Variants in ATP6V1C1 observed in about 807,000 individuals in gnomAD.
ATP6V1C1 encodes the protein V-type proton ATPase subunit C 1.
Under a neutral mutation model 53.9 loss-of-function variants are expected in ATP6V1C1, and 45 were observed. That is an observed-to-expected ratio of 0.83 (90% CI 0.66 to 1.07). The LOEUF is 1.07. Ranked by LOEUF, ATP6V1C1 falls within the 50% of genes least tolerant of loss-of-function variation. The probability of loss-of-function intolerance (pLI) is 0.00; values close to 1 mark genes in which losing one functional copy is unlikely to be tolerated. For synonymous variants in ATP6V1C1, 153 were observed against 155.2 expected, an observed-to-expected ratio of 0.99 and a Z score of 0.11; for missense variants, 315 against 440.3, an observed-to-expected ratio of 0.72 and a Z score of 2.55.
At chr8:103,060,044 C>T (rs1041914963) in intron 8 of ATP6V1C1, among the ~76,000 whole-genome samples, 3 of 151,248 alleles carry the variant, frequency 2.0e-5, no homozygotes, top group Non-Finnish European at 3.0e-5. Flanking sequence ...CTTGGCTCAC[C>T]GCAACCTCTG....
chr8:103,042,645 A>T (rs1817021777), intron 3 of ATP6V1C1, among the ~76,000 whole-genome samples: 2 of 152,224 alleles, frequency 1.3e-5, no homozygotes, highest in Admixed American at 1.3e-4. Flanking sequence ...TTTACATGCC[A>T]TGCATTTCAC....
At chr8:103,060,371 G>C (rs1817376124) in intron 8 of ATP6V1C1, among the ~76,000 whole-genome samples, 1 of 152,022 alleles carries the variant, frequency 6.6e-6, no homozygotes, top group South Asian at 2.1e-4. Flanking sequence ...TCTCTTTTTT[G>C]TCTTTCTTTC....
At chr8:103,067,091 T>G (rs1817504750) in intron 12 of ATP6V1C1, among the ~76,000 whole-genome samples, 1 of 152,034 alleles carries the variant, frequency 6.6e-6, no homozygotes, top group African/African-American at 2.4e-5. Flanking sequence ...GTTTTTTTGT[T>G]GTTGCTGTTT....
chr8:103,028,670 A>G (rs1816739763), intron 1 of ATP6V1C1, among the ~76,000 whole-genome samples: 1 of 152,232 alleles, frequency 6.6e-6, no homozygotes, highest in South Asian at 2.1e-4. Context: ...AAGTGAAGAC[A>G]TTTATGCAGA....
At chr8:103,057,105 T>C (rs1425260827) in intron 8 of ATP6V1C1, among the ~76,000 whole-genome samples, 1 of 152,214 alleles carries the variant, frequency 6.6e-6, no homozygotes, top group Non-Finnish European at 1.5e-5. Context: ...AGCAGGGATT[T>C]ATTAAAAATG....
chr8:103,044,129 G>T (rs564847526), intron 3 of ATP6V1C1, among the ~76,000 whole-genome samples: 3 of 151,292 alleles, frequency 2.0e-5, no homozygotes, highest in Admixed American at 6.6e-5. Context: ...CATGATGCGC[G>T]TGCCTCAGCC....
chr8:103,061,838 T>G lies in ATP6V1C1; in HGVS notation c.642-1117T>G, dbSNP rs111228697. On this transcript the variant is annotated intron_variant, in intron 8 of 12. Transcript: ENST00000518738. ...GTTATCGCTGTGGAACAGCTGCCTG[T>G]GCAGCCTTGTGGACCTCACATAAGG... Among the ~76,000 whole-genome samples the G allele has an allele frequency of 2.3e-3, 344 of 152,340 alleles. 1 individual carries two copies. The highest frequency in any genetic ancestry group is 7.9e-3 in the African/African-American group (328 of 41,574).
chr8:103,051,133 A>G lies in ATP6V1C1; in HGVS notation c.370A>G (p.Ile124Val). 3 of 1,602,142 alleles carry G rather than the reference A, an allele frequency of 1.9e-6. No homozygotes were observed. Among genetic ancestry groups the G allele is most frequent in the Non-Finnish European group, 2.6e-6 (3 of 1,170,874 alleles). Residue 124 changes from isoleucine to valine, a missense_variant, in exon 5 of 13, where the codon ATA becomes GTA. By Grantham distance (29) the Ile-to-Val change is conservative. Coordinates refer to ENST00000518738, the MANE Select transcript of ATP6V1C1 (RefSeq NM_001695.5). ...IKQSLKNISE[I>V]IAKGVTQIDN... ...GCAGTCCCTGAAAAATATTTCTGAA[A>G]TAATTGCCAAGGTAAGATAATACTT... is the stretch of plus-strand genomic sequence containing the variant.
intron 6 of ATP6V1C1, 56 bp from the exon 7 acceptor site, chr8:103,053,828 A>G: frequency 7.9e-7 from 1 of 1,265,684 alleles, no homozygotes; most frequent in Non-Finnish European, 1.1e-6. Flanking sequence ...CTGTTTCTTT[A>G]CTTGTGTTAC....
At chr8:103,021,863 G>T (rs745444369) in intron 1 of ATP6V1C1, among the ~76,000 whole-genome samples, 1 of 152,132 alleles carries the variant, frequency 6.6e-6, no homozygotes, top group Non-Finnish European at 1.5e-5. Flanking sequence ...GTCACATAAG[G>T]CATATTGAAT....
At chr8:103,053,511 A>C (rs1244939517) in intron 6 of ATP6V1C1, among the ~76,000 whole-genome samples, 2 of 151,990 alleles carry the variant, frequency 1.3e-5, no homozygotes, top group Non-Finnish European at 2.9e-5. Context: ...AAGGGAGGGA[A>C]GAACACTAAA....
At chr8:103,042,126 C>A (rs1406909704) in intron 2 of ATP6V1C1, among the ~76,000 whole-genome samples, 1 of 152,130 alleles carries the variant, frequency 6.6e-6, no homozygotes, top group Non-Finnish European at 1.5e-5. Flanking sequence ...GTCTTCAAGT[C>A]TTAAGTGGTG....
intron 1 of ATP6V1C1, among the ~76,000 whole-genome samples, chr8:103,033,212 G>A (rs748978858): frequency 4.6e-5 from 7 of 152,214 alleles, no homozygotes; most frequent in Non-Finnish European, 1.0e-4. Context: ...GAGTGTGAGG[G>A]AAGGTTTGGG....
In ATP6V1C1 at chr8:103,052,052, C is replaced by T. The variant is rs562573749; in HGVS notation, c.382-679C>T. Among the ~76,000 whole-genome samples, 10 of 152,092 alleles carry T rather than the reference C, an allele frequency of 6.6e-5. No individual in the cohort carries two copies. In the South Asian group the frequency reaches 8.3e-4, roughly 13 times the overall value. ...TTACTTGATAATATAAAGTGGTGTT[C>T]TTACTATGACTGAGCCTTTTTTTCT... On this transcript the variant is annotated intron_variant, in intron 5 of 12. Transcript: ENST00000518738.
chr8:103,066,388 AGAGAAGTATTACAT>A lies in ATP6V1C1; in HGVS notation c.997_1010del (p.Glu333IlefsTer3). On this transcript the variant is annotated frameshift_variant, in exon 12 of 13. Transcript: ENST00000518738. LOFTEE classifies it high-confidence loss of function. ...CAATAAGAAAACTTTGAAGAAACTG[AGAGAAGTATTACAT>A]GAATTGTATAAACATCTAGACAGCA... is the stretch of plus-strand genomic sequence containing the variant. The A allele has an allele frequency of 6.2e-7, 1 of 1,613,586 alleles. No individual in the cohort carries two copies. The highest frequency in any genetic ancestry group is 8.5e-7 in the Non-Finnish European group (1 of 1,179,872).
intron 7 of ATP6V1C1, 27 bp from the exon 8 acceptor site, chr8:103,055,841 C>A: frequency 6.3e-7 from 1 of 1,595,824 alleles, no homozygotes; most frequent in Non-Finnish European, 8.5e-7. Context: ...TTTTTCTTTT[C>A]CAATGTGTAT....
At chr8:103,047,618 T>C (rs1817128112) in intron 3 of ATP6V1C1, among the ~76,000 whole-genome samples, 2 of 152,170 alleles carry the variant, frequency 1.3e-5, no homozygotes, top group Admixed American at 1.3e-4. Context: ...CTTCAGAGGC[T>C]GTGTATCTGC....
In ATP6V1C1 at chr8:103,064,739, T is replaced by C; in HGVS notation, c.854T>C (p.Val285Ala). The C allele has an allele frequency of 6.2e-7, 1 of 1,613,328 alleles. No individual in the cohort carries two copies. The highest frequency in any genetic ancestry group is 8.5e-7 in the Non-Finnish European group (1 of 1,179,718). ...QFGPLVRWLK[V>A]NFSEAFIAWI... ...GGACCACTTGTACGGTGGCTGAAAG[T>C]GAATTTTAGTGAAGCATTTATTGCA... Residue 285 changes from valine (V) to alanine (A), a missense_variant, in exon 11 of 13, where the codon GTG (valine) becomes GCG (alanine). Val to Ala is a moderately conservative substitution (Grantham distance 64, BLOSUM62 0). Coordinates refer to ENST00000518738, the MANE Select transcript of ATP6V1C1 (RefSeq NM_001695.5).
chr8:103,039,322 G>T (rs1816952906), intron 1 of ATP6V1C1, among the ~76,000 whole-genome samples: 1 of 152,160 alleles, frequency 6.6e-6, no homozygotes, highest in South Asian at 2.1e-4. Context: ...CAATGGTATT[G>T]TAGTGAGAAG....
Sources: gnomAD v4.1 joint callset for allele counts (sites outside exome capture counted in the v4.1 genomes callset) on GRCh38, gnomAD v4.1.1 for gene constraint, MANE v1.5 for transcripts, NCBI Gene and HGNC (gene_info 2026-07-23, HGNC 2026-07-21) for gene names.